Variants in FSHR observed in about 807,000 individuals in gnomAD.
FSHR encodes the protein follicle stimulating hormone receptor, also known as follicle-stimulating hormone receptor.
In FSHR, 46 loss-of-function variants were observed where a neutral mutation model predicts 52.1. The ratio of observed to expected loss-of-function variants is 0.88; its 90% CI spans 0.70 to 1.13. The LOEUF (loss-of-function observed/expected upper bound fraction) is 1.13, where lower values mean the gene tolerates loss of function less well. Among genes scored for constraint, FSHR ranks in the 50% most tolerant of loss-of-function variants. The probability of loss-of-function intolerance (pLI) is 0.00; values close to 1 mark genes in which losing one functional copy is unlikely to be tolerated. For missense variants in FSHR, 964 were observed against 834.6 expected (o/e 1.16, Z -1.91); for synonymous variants, 399 against 309.6 (o/e 1.29, Z -3.03).
At chr2:48,974,439 G>A (rs983008104) in intron 8 of FSHR, among the ~76,000 whole-genome samples, 1 of 152,190 alleles carries the variant, frequency 6.6e-6, no homozygotes, top group African/African-American at 2.4e-5. Context: ...TTTGCACATG[G>A]TGGCTTTGAT....
chr2:49,062,641 G>A (rs1341574580), intron 2 of FSHR, among the ~76,000 whole-genome samples: 1 of 151,946 alleles, frequency 6.6e-6, no homozygotes, highest in East Asian at 1.9e-4. Context: ...CAGAATGGGA[G>A]AAAATATTTG....
rs1189869591 is a variant in FSHR at position 49,127,901 on chromosome 2, T to C, written c.152+26365A>G. 8.7e-4 allele frequency among the ~76,000 whole-genome samples: 75 copies of C among 85,754 alleles called. 1 individual carries two copies. The highest frequency in any genetic ancestry group is 1.6e-3 in the African/African-American group (32 of 20,148). 56.3% of individuals were successfully genotyped at this position (85,754 alleles called of 152,430 possible). A position where few individuals can be genotyped will look rare whatever the true frequency, so the allele number is the denominator to read the frequency against. ...TCTTCTTCTTCTTCTTCTTCTTCTT[T>C]TTTTTTTTTGAGACGGAGTCTTACT... On this transcript the variant is annotated intron_variant, in intron 1 of 9. Transcript: ENST00000406846.
At chr2:49,079,310 C>A (rs1312139778) in intron 1 of FSHR, among the ~76,000 whole-genome samples, 3 of 152,092 alleles carry the variant, frequency 2.0e-5, no homozygotes, top group Admixed American at 6.5e-5. Flanking sequence ...TAATCCACAT[C>A]AGTATATAAA....
At chr2:49,053,777 A>T (rs570900344) in intron 2 of FSHR, among the ~76,000 whole-genome samples, 1 of 152,348 alleles carries the variant, frequency 6.6e-6, no homozygotes, top group East Asian at 1.9e-4. Flanking sequence ...ATGAGGAAGA[A>T]TCATCAGCAA....
intron 4 of FSHR, among the ~76,000 whole-genome samples, chr2:48,994,678 A>G (rs760071795): frequency 2.6e-4 from 39 of 152,150 alleles, no homozygotes; most frequent in Non-Finnish European, 4.4e-4. Flanking sequence ...GTATGTCTCA[A>G]TGGGTTTGCT....
Position 48,962,892 on chromosome 2 carries a change from C to T in FSHR, c.1929G>A (p.Lys643=), listed in dbSNP as rs375279102. The change falls in exon 10 of 10, where the codon AAG becomes AAA. Residue 643 remains lysine (K), a synonymous_variant. Coordinates refer to ENST00000406846, the MANE Select transcript of FSHR (RefSeq NM_000145.4). The part of the protein sequence containing the change: ...FRRDFFILLS[K]CGCYEMQAQI... ...GGGCTTGCATTTCATAGCAGCCACACTTGCTCAGCAGAATGAAGAAATCTC... is the reference window on the plus strand; with the variant it reads ...GGGCTTGCATTTCATAGCAGCCACATTTGCTCAGCAGAATGAAGAAATCTC... 4.3e-6 allele frequency: 7 copies of T among 1,614,022 alleles called. No homozygotes were observed. Among genetic ancestry groups the T allele is most frequent in the African/African-American group, 2.7e-5 (2 of 74,902 alleles).
intron 1 of FSHR, among the ~76,000 whole-genome samples, chr2:49,098,817 T>C (rs1044345200): frequency 2.0e-5 from 3 of 146,686 alleles, no homozygotes; most frequent in Non-Finnish European, 4.5e-5. Flanking sequence ...TGTATACTTA[T>C]ATATTATTAT....
intron 4 of FSHR, among the ~76,000 whole-genome samples, chr2:49,008,910 GTAGAT>G (rs962056116): frequency 3.3e-5 from 5 of 151,826 alleles, no homozygotes; most frequent in African/African-American, 1.2e-4. Flanking sequence ...TGAGTTCATT[GTAGAT>G]TCTGGATACT....
intron 8 of FSHR, among the ~76,000 whole-genome samples, chr2:48,975,298 C>A (rs188662833): frequency 6.6e-6 from 1 of 152,160 alleles, no homozygotes; most frequent in South Asian, 2.1e-4. Context: ...TTCCCTCCCC[C>A]ACCCCCTTGG....
intron 2 of FSHR, among the ~76,000 whole-genome samples, chr2:49,031,073 G>A (rs1668082535): frequency 6.6e-6 from 1 of 152,114 alleles, no homozygotes; most frequent in Non-Finnish European, 1.5e-5. Context: ...TCAACAACCT[G>A]GTTCAGTATA....
intron 2 of FSHR, among the ~76,000 whole-genome samples, chr2:49,038,624 C>CAA (rs71401003): frequency 6.1e-5 from 4 of 65,442 alleles, no homozygotes; most frequent in East Asian, 4.0e-4. Flanking sequence ...GACTCTGTCT[C>CAA]AAAATAATAA....
chr2:49,116,318 G>A (rs925515797), intron 1 of FSHR, among the ~76,000 whole-genome samples: 1 of 152,180 alleles, frequency 6.6e-6, no homozygotes, highest in African/African-American at 2.4e-5. Flanking sequence ...ATATGGTGGG[G>A]ATGAGATAAC....
intron 1 of FSHR, among the ~76,000 whole-genome samples, chr2:49,094,062 T>G (rs1670725560): frequency 6.6e-6 from 1 of 152,216 alleles, no homozygotes. Flanking sequence ...TACTCTATAT[T>G]TCATTAGTTT....
At chr2:49,011,235 T>C (rs1667259454) in intron 4 of FSHR, among the ~76,000 whole-genome samples, 1 of 151,838 alleles carries the variant, frequency 6.6e-6, no homozygotes, top group Non-Finnish European at 1.5e-5. Flanking sequence ...TGTGTCTTTG[T>C]TCTCGTTGGT....
intron 8 of FSHR, 84 bp from the exon 9 acceptor site, chr2:48,968,967 C>A (rs576022516): frequency 3.8e-4 from 451 of 1,190,178 alleles, no homozygotes; most frequent in Non-Finnish European, 5.1e-4. Flanking sequence ...ATAGCAGACA[C>A]ACTAGTGATA....
rs945229134 is a variant in FSHR at position 49,105,845 on chromosome 2, G to C, written c.153-37555C>G. On this transcript the variant is annotated intron_variant, in intron 1 of 9. Transcript: ENST00000406846. ...ATGTGAGGCTGGCTGTATGTTCCAA[G>C]TTGATGGAAGTTGAAGAACACTGAC... Among the ~76,000 whole-genome samples, 7 of 151,998 alleles carry C rather than the reference G, an allele frequency of 4.6e-5. No homozygotes were observed. The East Asian group carries it at 1.2e-3, about 25-fold the overall frequency.
chr2:49,008,073 T>C (rs1229480453), intron 4 of FSHR, among the ~76,000 whole-genome samples: 4 of 150,998 alleles, frequency 2.6e-5, no homozygotes, highest in Non-Finnish European at 4.4e-5. Flanking sequence ...CATGTGCACA[T>C]TGTGCAGGTT....
intron 1 of FSHR, among the ~76,000 whole-genome samples, chr2:49,135,228 A>T (rs72879884): frequency 0.078 from 11,817 of 152,062 alleles, 1,505 homozygotes; most frequent in African/African-American, 0.27. Context: ...TTAAAAAAAA[A>T]CTTCAATATT....
chr2:48,977,048 C>A (rs1675021087), intron 8 of FSHR, among the ~76,000 whole-genome samples: 1 of 151,832 alleles, frequency 6.6e-6, no homozygotes, highest in Non-Finnish European at 1.5e-5. Context: ...ACGTGTACAC[C>A]TATGTAACAA....
Sources: gnomAD v4.1 joint callset for allele counts (sites outside exome capture counted in the v4.1 genomes callset) on GRCh38, gnomAD v4.1.1 for gene constraint, MANE v1.5 for transcripts, NCBI Gene and HGNC (gene_info 2026-07-23, HGNC 2026-07-21) for gene names.